CDH17: variants seen among roughly 807,000 people sequenced by gnomAD.
The protein encoded by CDH17 is cadherin 17.
Under a neutral mutation model 86.3 loss-of-function variants are expected in CDH17, and 67 were observed. The observed-to-expected ratio is 0.78, with a 90% CI of 0.64 to 0.95. CDH17 has a LOEUF of 0.95. Ranked by LOEUF, CDH17 falls within the 40% of genes least tolerant of loss-of-function variation. CDH17 has a pLI of 0.00. For synonymous variants in CDH17, 367 were observed against 366.4 expected, an observed-to-expected ratio of 1.00 and a Z score of -0.02; for missense variants, 993 against 1,017.6, an observed-to-expected ratio of 0.98 and a Z score of 0.33.
At chr8:94,148,710 C>CTTT in intron 14 of CDH17, 34 bp downstream of exon 14, 1 of 1,442,644 alleles carries the variant, frequency 6.9e-7, no homozygotes, top group Non-Finnish European at 9.1e-7. Flanking sequence ...AATCTGTGTT[C>CTTT]CTTTTTTTTT....
Position 94,199,068 on chromosome 8 carries a change from TATATATATATATA to T in CDH17, c.-20-4376_-20-4364del, listed in dbSNP as rs1161329694. 4.4e-3 allele frequency among the ~76,000 whole-genome samples: 84 copies of T among 18,892 alleles called. 2 individuals are homozygous for T. Among genetic ancestry groups the T allele is most frequent in the African/African-American group, 0.011 (73 of 6,506 alleles). The allele number at this position is 18,892 out of a possible 152,430, so 12.4% of individuals were successfully genotyped here. A position where few individuals can be genotyped will look rare whatever the true frequency, so the allele number is the denominator to read the frequency against. ...ATATATATATATATATATATATATA[TATATATATATATA>T]TATTTTTTTTTTTTTATCATTTGTC... On this transcript the variant is annotated intron_variant, in intron 1 of 17. Coordinates refer to ENST00000027335, the MANE Select transcript of CDH17 (RefSeq NM_004063.4).
intron 3 of CDH17, among the ~76,000 whole-genome samples, chr8:94,178,194 G>A (rs1360423664): frequency 6.6e-6 from 1 of 152,104 alleles, no homozygotes; most frequent in African/African-American, 2.4e-5. Flanking sequence ...TACTTTTTCA[G>A]AAGTGGAGAA....
Position 94,171,259 on chromosome 8 carries a change from T to C in CDH17, c.784-274A>G, listed in dbSNP as rs532741821. Among the ~76,000 whole-genome samples the C allele has an allele frequency of 2.6e-5, 4 of 152,296 alleles. No homozygotes were observed. The South Asian group carries it at 6.2e-4, about 24-fold the overall frequency. On this transcript the variant is annotated intron_variant, in intron 7 of 17. Coordinates refer to ENST00000027335, the MANE Select transcript of CDH17 (RefSeq NM_004063.4). ...ACAGGGTTTCTGGGCTGCTTTCTTTTGGAAGTCTGACTGTGAAAGCTTTCT... is the reference window on the plus strand; with the variant it reads ...ACAGGGTTTCTGGGCTGCTTTCTTTCGGAAGTCTGACTGTGAAAGCTTTCT...
At position 94,146,172 on chromosome 8, in the gene CDH17, G is replaced by T; in HGVS notation, c.1928-5C>A. The T allele has an allele frequency of 6.7e-7, 1 of 1,487,982 alleles. No homozygotes were observed. Among genetic ancestry groups the T allele is most frequent in the Non-Finnish European group, 8.9e-7 (1 of 1,118,750 alleles). 92.2% of individuals were successfully genotyped at this position (1,487,982 alleles called of 1,614,324 possible). ...CAGAGCTCAAGGAAGACCCCCCTAA[G>T]GAATTGAATGATTGAAACATGGGAT... On this transcript the variant is annotated splice_region_variant and splice_polypyrimidine_tract_variant and intron_variant, in intron 14 of 17. Transcript: ENST00000027335.
chr8:94,131,399 A>T (rs1461099084), intron 15 of CDH17, among the ~76,000 whole-genome samples: 1 of 152,186 alleles, frequency 6.6e-6, no homozygotes, highest in Non-Finnish European at 1.5e-5. Flanking sequence ...GTTGCTGTTC[A>T]AAGATATCTT....
intron 10 of CDH17, among the ~76,000 whole-genome samples, chr8:94,165,399 C>G (rs1334730059): frequency 2.6e-5 from 4 of 152,182 alleles, no homozygotes; most frequent in Non-Finnish European, 4.4e-5. Flanking sequence ...TTCTCCATCT[C>G]CCCTTCACCC....
chr8:94,159,800 G>A (rs139361837), intron 12 of CDH17, among the ~76,000 whole-genome samples, 171 bp downstream of exon 12: 5 of 152,012 alleles, frequency 3.3e-5, no homozygotes, highest in African/African-American at 7.3e-5. Context: ...CTGACTTCCC[G>A]TCTGTCAGGA....
chr8:94,200,991 T>A (rs1813900744), intron 1 of CDH17, among the ~76,000 whole-genome samples: 1 of 152,134 alleles, frequency 6.6e-6, no homozygotes, highest in African/African-American at 2.4e-5. Flanking sequence ...TTGCCCAAGG[T>A]CACAATGCCA....
chr8:94,180,115 T>G (rs1288709779), intron 3 of CDH17, among the ~76,000 whole-genome samples: 3 of 151,980 alleles, frequency 2.0e-5, no homozygotes, highest in Non-Finnish European at 4.4e-5. Context: ...ATTTTTAAAA[T>G]AGAAATTCTA....
chr8:94,148,978 G>A, intron 13 of CDH17, 104 bp from the exon 14 acceptor site: 2 of 851,788 alleles, frequency 2.3e-6, no homozygotes, highest in Non-Finnish European at 1.8e-6. Flanking sequence ...CTTGAAATAT[G>A]TTGTAAATAA....
Position 94,174,154 on chromosome 8 carries a change from G to A in CDH17, c.531C>T (p.Val177=), listed in dbSNP as rs3214050. The change falls in exon 6 of 18, where the codon GTC becomes GTT. Residue 177 remains valine, a synonymous_variant. Coordinates refer to ENST00000027335, the MANE Select transcript of CDH17 (RefSeq NM_004063.4). ...IVIQLPMINN[V]MYFQINNKTG... is the part of the protein sequence containing the mutation. ...TTTTGTTGTTGATCTGAAAGTACATGACATTGTTGATCATGGGAAGCTGGA... is the reference window on the plus strand; with the variant it reads ...TTTTGTTGTTGATCTGAAAGTACATAACATTGTTGATCATGGGAAGCTGGA... 0.44 allele frequency: 711,914 copies of A among 1,612,446 alleles called. 161,867 individuals are homozygous for A. Among genetic ancestry groups the A allele is most frequent in the Middle Eastern group, 0.48 (2,874 of 6,048 alleles).
chr8:94,150,841 T>C (rs1369699133), intron 13 of CDH17, among the ~76,000 whole-genome samples: 3 of 152,242 alleles, frequency 2.0e-5, no homozygotes, highest in Non-Finnish European at 4.4e-5. Context: ...TTTTGTGTCT[T>C]CTCATAATTT....
Position 94,127,283 on chromosome 8 carries a change from A to T in CDH17, c.*957T>A, listed in dbSNP as rs1414628264. ...CAAAACTTTACTAACATACGAATGA[A>T]GAAAACATGCGCAGCATGTATGCAT... is the stretch of plus-strand genomic sequence containing the variant. On this transcript the variant is annotated 3_prime_UTR_variant, in exon 18 of 18. Transcript: ENST00000027335. 1.3e-5 allele frequency: 2 copies of T among 152,266 alleles called. No individual in the cohort carries two copies. Among genetic ancestry groups the T allele is most frequent in the Non-Finnish European group, 2.9e-5 (2 of 68,036 alleles). 9.4% of individuals were successfully genotyped at this position (152,266 alleles called of 1,614,324 possible).
upstream of CDH17, among the ~76,000 whole-genome samples, chr8:94,210,226 T>TAAA (rs71567010): frequency 0.16 from 8,733 of 53,446 alleles, 1,687 homozygotes; most frequent in Middle Eastern, 0.21. Flanking sequence ...TTTATGCGAG[T>TAAA]AAAAAAAAAA....
At chr8:94,182,573 T>C (rs917180608) in intron 3 of CDH17, among the ~76,000 whole-genome samples, 6 of 152,102 alleles carry the variant, frequency 3.9e-5, no homozygotes, top group Admixed American at 1.3e-4. Context: ...CATCCTTTCA[T>C]GATAAAAACA....
intron 15 of CDH17, among the ~76,000 whole-genome samples, chr8:94,141,357 A>G (rs897317039): frequency 1.3e-4 from 19 of 151,986 alleles, no homozygotes; most frequent in Admixed American, 1.2e-3. Context: ...TACAGCTAAC[A>G]TCATATTTAA....
At chr8:94,138,947 T>C (rs1463785355) in intron 15 of CDH17, among the ~76,000 whole-genome samples, 1 of 152,180 alleles carries the variant, frequency 6.6e-6, no homozygotes, top group Non-Finnish European at 1.5e-5. Context: ...ATATTCAGCA[T>C]CTAAATGTCT....
intron 15 of CDH17, among the ~76,000 whole-genome samples, chr8:94,141,470 TAAAC>T (rs1373882100): frequency 2.0e-5 from 3 of 152,044 alleles, no homozygotes; most frequent in Non-Finnish European, 4.4e-5. Context: ...CAGCCAGTAA[TAAAC>T]AAAAGGCATA....
At chr8:94,157,671 A>G (rs993421355) in intron 12 of CDH17, among the ~76,000 whole-genome samples, 4 of 152,152 alleles carry the variant, frequency 2.6e-5, no homozygotes, top group Non-Finnish European at 5.9e-5. Flanking sequence ...GATCCCAGCA[A>G]TTTGGGAGGC....
Sources: gnomAD v4.1 joint callset for allele counts (sites outside exome capture counted in the v4.1 genomes callset) on GRCh38, gnomAD v4.1.1 for gene constraint, MANE v1.5 for transcripts, NCBI Gene and HGNC (gene_info 2026-07-23, HGNC 2026-07-21) for gene names.